The following NRCAM variants were observed in gnomAD, a reference collection of about 807,000 sequenced individuals.
NRCAM encodes NgCAM-related cell adhesion molecule.
In NRCAM, 83 loss-of-function variants were observed where a neutral mutation model predicts 156.5. The observed-to-expected ratio is 0.53, with a 90% CI of 0.44 to 0.64. The LOEUF (loss-of-function observed/expected upper bound fraction) is 0.64, where lower values mean the gene tolerates loss of function less well. Ranked by LOEUF, NRCAM falls within the 30% of genes least tolerant of loss-of-function variation. The pLI is 0.00. For synonymous variants in NRCAM, 538 were observed against 563.9 expected, an observed-to-expected ratio of 0.95 and a Z score of 0.65; for missense variants, 1,417 against 1,597.3, an observed-to-expected ratio of 0.89 and a Z score of 1.92.
chr7:108,257,113 G>A (rs1421401444), intron 3 of NRCAM, among the ~76,000 whole-genome samples: 2 of 150,806 alleles, frequency 1.3e-5, no homozygotes, highest in Non-Finnish European at 2.9e-5. Context: ...GAAAAGAAAA[G>A]AAAAGAAGAG....
intron 1 of NRCAM, among the ~76,000 whole-genome samples, chr7:108,442,810 C>T (rs768037465): frequency 1.3e-5 from 2 of 152,196 alleles, no homozygotes; most frequent in Admixed American, 6.5e-5. Context: ...TACAAACTAT[C>T]GCCTGTACTC....
chr7:108,325,335 A>G (rs1030011073), intron 2 of NRCAM, among the ~76,000 whole-genome samples: 1 of 152,180 alleles, frequency 6.6e-6, no homozygotes, highest in South Asian at 2.1e-4. Flanking sequence ...GAAGTGGTAC[A>G]TGACTCTAAT....
At chr7:108,318,266 C>T (rs1049774505) in intron 2 of NRCAM, among the ~76,000 whole-genome samples, 9 of 151,666 alleles carry the variant, frequency 5.9e-5, no homozygotes, top group Non-Finnish European at 1.0e-4. Flanking sequence ...AGGATGGTCT[C>T]GATCTCCTGA....
At chr7:108,353,741 G>A (rs547906058) in intron 2 of NRCAM, among the ~76,000 whole-genome samples, 3 of 152,366 alleles carry the variant, frequency 2.0e-5, no homozygotes, top group African/African-American at 7.2e-5. Context: ...CATGGCAGGT[G>A]TACAATTATT....
intron 2 of NRCAM, among the ~76,000 whole-genome samples, chr7:108,347,157 C>T (rs2099363130): frequency 6.6e-6 from 1 of 150,678 alleles, no homozygotes; most frequent in Admixed American, 6.6e-5. Context: ...CCTGCCTCAG[C>T]CTCCCAAGTA....
chr7:108,261,892 G>T (rs1203083522), intron 3 of NRCAM, among the ~76,000 whole-genome samples: 1 of 152,138 alleles, frequency 6.6e-6, no homozygotes, highest in African/African-American at 2.4e-5. Flanking sequence ...GACCAGTGAA[G>T]ATCTGGAGTC....
At chr7:108,200,236 A>G (rs2153513498) in intron 13 of NRCAM, among the ~76,000 whole-genome samples, 1 of 152,328 alleles carries the variant, frequency 6.6e-6, no homozygotes, top group Non-Finnish European at 1.5e-5. Flanking sequence ...CTTAAGGAAC[A>G]TGTTCTTCCA....
intron 2 of NRCAM, among the ~76,000 whole-genome samples, chr7:108,375,292 T>G (rs2099669919): frequency 6.6e-6 from 1 of 152,156 alleles, no homozygotes; most frequent in Non-Finnish European, 1.5e-5. Context: ...AATGAATAAT[T>G]CTATACTGAA....
intron 11 of NRCAM, among the ~76,000 whole-genome samples, chr7:108,219,643 TC>T (rs2091375355): frequency 6.6e-6 from 1 of 152,156 alleles, no homozygotes; most frequent in Admixed American, 6.5e-5. Context: ...TCTGATAAAA[TC>T]CAGCATCCCT....
At chr7:108,402,645 C>T (rs2099796064) in intron 1 of NRCAM, among the ~76,000 whole-genome samples, 1 of 152,186 alleles carries the variant, frequency 6.6e-6, no homozygotes, top group Non-Finnish European at 1.5e-5. Context: ...GTAGCTTTGA[C>T]TTATTGCTCA....
At chr7:108,204,114 A>C (rs2153545088) in intron 13 of NRCAM, among the ~76,000 whole-genome samples, 1 of 152,228 alleles carries the variant, frequency 6.6e-6, no homozygotes, top group Non-Finnish European at 1.5e-5. Flanking sequence ...ATGGTCCCTA[A>C]CCCTCAAAGG....
chr7:108,288,223 T>C (rs183367705), intron 3 of NRCAM, among the ~76,000 whole-genome samples: 70 of 152,100 alleles, frequency 4.6e-4, no homozygotes, highest in African/African-American at 1.6e-3. Flanking sequence ...ATAACAGACA[T>C]TGAAGACTCC....
chr7:108,436,456 A>C (rs760237996), intron 1 of NRCAM, among the ~76,000 whole-genome samples: 31 of 152,318 alleles, frequency 2.0e-4, no homozygotes, highest in Admixed American at 7.8e-4. Context: ...GAGATACTAA[A>C]GTATTTACAG....
chr7:108,149,848 G>T lies in NRCAM; in HGVS notation c.*62C>A. On this transcript the variant is annotated 3_prime_UTR_variant, in exon 33 of 33. Coordinates refer to ENST00000379028, the MANE Select transcript of NRCAM (RefSeq NM_001037132.4). The stretch of plus-strand genomic sequence containing the variant: ...CATATGTTCATAGTATGAGAGGGCT[G>T]ACAAACAAGTGCTTAGGATAAACAT... 1 of 1,371,124 alleles carries T rather than the reference G, an allele frequency of 7.3e-7. No homozygotes were observed. The highest frequency in any genetic ancestry group is 1.3e-5 in the South Asian group (1 of 75,430). The allele number at this position is 1,371,124 out of a possible 1,614,324, so 84.9% of individuals were successfully genotyped here.
At chr7:108,359,635 C>T (rs953592096) in intron 2 of NRCAM, among the ~76,000 whole-genome samples, 2 of 152,108 alleles carry the variant, frequency 1.3e-5, no homozygotes, top group Admixed American at 6.5e-5. Context: ...TTTTCAAAGA[C>T]CCCTGAATGA....
At chr7:108,301,079 AC>A (rs1421159967) in intron 3 of NRCAM, among the ~76,000 whole-genome samples, 1 of 152,202 alleles carries the variant, frequency 6.6e-6, no homozygotes, top group Admixed American at 6.5e-5. Flanking sequence ...ATACCAAAAA[AC>A]AAAGAATAAT....
intron 3 of NRCAM, among the ~76,000 whole-genome samples, chr7:108,282,727 G>GAGAAAA (rs1450008202): frequency 6.6e-6 from 1 of 152,112 alleles, no homozygotes; most frequent in East Asian, 1.9e-4. Flanking sequence ...GGGAGAAAAA[G>GAGAAAA]AGAGAATACA....
At chr7:108,174,544 C>A (rs1043665347) in intron 28 of NRCAM, among the ~76,000 whole-genome samples, 2 of 152,232 alleles carry the variant, frequency 1.3e-5, no homozygotes, top group African/African-American at 2.4e-5. Context: ...AGCCAGGGGT[C>A]AAAGACTGGG....
In NRCAM at chr7:108,181,822, C is replaced by T. The variant is rs2063664112; in HGVS notation, c.2646G>A (p.Arg882=). 1 of 1,611,826 alleles carries T rather than the reference C, an allele frequency of 6.2e-7. No individual in the cohort carries two copies. The highest frequency in any genetic ancestry group is 1.3e-5 in the African/African-American group (1 of 74,964). ...CCACAAAAGGTCCCCTTTCACTTGC[C>T]CGATAGCCTTGTAGGTGTCCTCGGA... ...KSIRGHLQGY[R]IYYWKTQSSS... Residue 882 remains arginine, a splice_region_variant and synonymous_variant, in exon 24 of 33, where the codon CGG becomes CGA. Coordinates refer to ENST00000379028, the MANE Select transcript of NRCAM (RefSeq NM_001037132.4).
Sources: allele counts gnomAD v4.1 joint callset (sites outside exome capture counted in the v4.1 genomes callset), GRCh38; gene constraint gnomAD v4.1.1; transcripts MANE v1.5; gene names NCBI Gene and HGNC (gene_info 2026-07-23, HGNC 2026-07-21).